The following KATNIP variants were observed in gnomAD, a reference collection of about 807,000 sequenced individuals.
The protein encoded by KATNIP is katanin-interacting protein.
Under a neutral mutation model 174.0 loss-of-function variants are expected in KATNIP, and 126 were observed. That is an observed-to-expected ratio of 0.72 (90% CI 0.63 to 0.84). The LOEUF (loss-of-function observed/expected upper bound fraction) is 0.84, where lower values mean the gene tolerates loss of function less well. KATNIP is among the 40% of genes least tolerant of loss of function. The pLI is 0.00. For synonymous variants in KATNIP, 810 were observed against 835.7 expected, an observed-to-expected ratio of 0.97 and a Z score of 0.53; for missense variants, 1,958 against 2,109.7, an observed-to-expected ratio of 0.93 and a Z score of 1.41.
intron 7 of KATNIP, chr16:27,678,943 C>A (rs1169358789): frequency 6.6e-6 from 1 of 152,372 alleles, no homozygotes; most frequent in Admixed American, 6.5e-5. Flanking sequence ...GGCCTACTTG[C>A]AACAGTCTTC....
At chr16:27,734,715 A>T (rs991254284) in intron 14 of KATNIP, among the ~76,000 whole-genome samples, 4 of 152,088 alleles carry the variant, frequency 2.6e-5, no homozygotes, top group South Asian at 2.1e-4. Context: ...ATAAAAATTT[A>T]AAAAAGGGTA....
intron 2 of KATNIP, among the ~76,000 whole-genome samples, chr16:27,594,984 C>A (rs1236575582): frequency 6.6e-6 from 1 of 152,174 alleles, no homozygotes; most frequent in African/African-American, 2.4e-5. Flanking sequence ...AGTCTTTACT[C>A]AGCTAACAGG....
intron 6 of KATNIP, among the ~76,000 whole-genome samples, chr16:27,669,747 A>G (rs2077825406): frequency 6.6e-6 from 1 of 152,158 alleles, no homozygotes; most frequent in Non-Finnish European, 1.5e-5. Context: ...AGTGTGAGCA[A>G]ATGCATTTGT....
At chr16:27,668,550 G>A (rs777506691) in intron 6 of KATNIP, among the ~76,000 whole-genome samples, 23 of 152,174 alleles carry the variant, frequency 1.5e-4, no homozygotes, top group African/African-American at 1.2e-4. Flanking sequence ...TCGTGGGTGC[G>A]TCTTTATCAG....
intron 2 of KATNIP, among the ~76,000 whole-genome samples, chr16:27,603,124 C>G (rs984784877): frequency 1.3e-5 from 2 of 152,180 alleles, no homozygotes; most frequent in Non-Finnish European, 2.9e-5. Context: ...AATGCAAAAG[C>G]CTGAAAAGAC....
chr16:27,737,760 C>T (rs760297756), intron 14 of KATNIP, among the ~76,000 whole-genome samples: 1 of 152,168 alleles, frequency 6.6e-6, no homozygotes, highest in Admixed American at 6.5e-5. Context: ...GCCACACCCA[C>T]CCACTCCTAG....
chr16:27,622,393 A>G (rs1330925008), intron 3 of KATNIP, among the ~76,000 whole-genome samples: 2 of 152,192 alleles, frequency 1.3e-5, no homozygotes, highest in Admixed American at 6.5e-5. Context: ...TGCCTGTCCC[A>G]GTGGACTCTG....
rs374525063 is a variant in KATNIP at position 27,681,541 on chromosome 16, C to T, written c.940+11C>T. On this transcript the variant is annotated intron_variant, in intron 8 of 27. Coordinates refer to ENST00000261588, the MANE Select transcript of KATNIP (RefSeq NM_015202.5). ...AGAGGATGTGCTCCAGTAAGAGTTC[C>T]GGGGGCCCCTGAGCAGGGGAGCAGG... is the stretch of plus-strand genomic sequence containing the variant. 3.1e-5 allele frequency: 50 copies of T among 1,613,820 alleles called. No homozygotes were observed. In the African/African-American group the frequency reaches 4.3e-4, roughly 14 times the overall value.
chr16:27,728,161 G>A (rs961434459), intron 14 of KATNIP, among the ~76,000 whole-genome samples: 1 of 152,244 alleles, frequency 6.6e-6, no homozygotes, highest in Admixed American at 6.5e-5. Flanking sequence ...GAAGTATGAC[G>A]GGCATCTTAG....
At chr16:27,737,294 G>T (rs923710507) in intron 14 of KATNIP, among the ~76,000 whole-genome samples, 3 of 152,092 alleles carry the variant, frequency 2.0e-5, no homozygotes, top group African/African-American at 7.2e-5. Context: ...GAGATGGGAG[G>T]GTCACTTGAG....
chr16:27,629,886 G>A (rs2076436003), intron 4 of KATNIP, among the ~76,000 whole-genome samples: 1 of 152,154 alleles, frequency 6.6e-6, no homozygotes, highest in African/African-American at 2.4e-5. Flanking sequence ...GGTGGTGCAT[G>A]CCTGTAGTCT....
At chr16:27,655,229 T>TTG (rs2077240880) in intron 6 of KATNIP, among the ~76,000 whole-genome samples, 2 of 110,260 alleles carry the variant, frequency 1.8e-5, no homozygotes, top group African/African-American at 6.9e-5. Flanking sequence ...TATATATATA[T>TTG]TTTGTTTGTT....
intron 5 of KATNIP, among the ~76,000 whole-genome samples, chr16:27,648,210 T>C (rs1366084247): frequency 6.6e-6 from 1 of 151,946 alleles, no homozygotes; most frequent in Non-Finnish European, 1.5e-5. Flanking sequence ...GGAGAATTAC[T>C]TGAACCTAGG....
intron 1 of KATNIP, among the ~76,000 whole-genome samples, chr16:27,552,797 C>T (rs1383192509): frequency 2.0e-5 from 3 of 150,576 alleles, no homozygotes; most frequent in Non-Finnish European, 4.4e-5. Flanking sequence ...CGGGTTCAAG[C>T]GATTCTCCTG....
intron 1 of KATNIP, among the ~76,000 whole-genome samples, chr16:27,571,361 C>G (rs1456393128): frequency 1.3e-5 from 2 of 151,878 alleles, no homozygotes; most frequent in African/African-American, 4.8e-5. Context: ...TATTGTCCAC[C>G]TTAATTTTTT....
chr16:27,557,530 C>G (rs1273623489), intron 1 of KATNIP, among the ~76,000 whole-genome samples: 2 of 150,942 alleles, frequency 1.3e-5, no homozygotes, highest in Non-Finnish European at 2.9e-5. Flanking sequence ...CTGGCTCAAG[C>G]GATCGTCCCA....
chr16:27,706,273 T>TC (rs2079299731), intron 12 of KATNIP, among the ~76,000 whole-genome samples: 1 of 152,154 alleles, frequency 6.6e-6, no homozygotes, highest in African/African-American at 2.4e-5. Context: ...AGCCTGTTTC[T>TC]CCCCATGTAA....
rs2082596456 is a variant in KATNIP at position 27,778,744 on chromosome 16, G to A, written c.*115G>A. On this transcript the variant is annotated 3_prime_UTR_variant, in exon 28 of 28. Coordinates refer to ENST00000261588, the MANE Select transcript of KATNIP (RefSeq NM_015202.5). The stretch of plus-strand genomic sequence containing the variant: ...GGAGCTGGAAGCGAACCACAGTGTT[G>A]AGGGGAGCCCGCTGGGAAGAGGGGA... 2.0e-6 allele frequency: 2 copies of A among 1,012,116 alleles called. No homozygotes were observed. The highest frequency in any genetic ancestry group is 1.5e-6 in the Non-Finnish European group (1 of 678,494). The allele number at this position is 1,012,116 out of a possible 1,614,324, so 62.7% of individuals were successfully genotyped here.
intron 15 of KATNIP, among the ~76,000 whole-genome samples, chr16:27,748,167 A>T (rs1442539776): frequency 6.6e-6 from 1 of 152,174 alleles, no homozygotes; most frequent in East Asian, 1.9e-4. Flanking sequence ...TTCCATAAGG[A>T]GCGTGGGGCC....
Sources: allele counts gnomAD v4.1 joint callset (sites outside exome capture counted in the v4.1 genomes callset), GRCh38; gene constraint gnomAD v4.1.1; transcripts MANE v1.5; gene names NCBI Gene and HGNC (gene_info 2026-07-23, HGNC 2026-07-21).